EIF5A2: variants seen among roughly 807,000 people sequenced by gnomAD.
EIF5A2 encodes eukaryotic translation initiation factor 5A-2.
Under a neutral mutation model 16.4 loss-of-function variants are expected in EIF5A2, and 15 were observed. The ratio of observed to expected loss-of-function variants is 0.92; its 90% confidence interval spans 0.61 to 1.41. EIF5A2 has a LOEUF of 1.41. Ranked by LOEUF, EIF5A2 falls within the 40% of genes most tolerant of loss-of-function variation. The probability of loss-of-function intolerance (pLI) is 0.00; values close to 1 mark genes in which losing one functional copy is unlikely to be tolerated. For synonymous variants in EIF5A2, 48 were observed against 61.1 expected, an observed-to-expected ratio of 0.79 and a Z score of 1.00; for missense variants, 144 against 189.5, an observed-to-expected ratio of 0.76 and a Z score of 1.41.
At position 170,890,829 on chromosome 3, in the gene EIF5A2, T is replaced by C. The variant is rs748589224; in HGVS notation, c.*2531A>G. On this transcript the variant is annotated 3_prime_UTR_variant, in exon 5 of 5. Transcript: ENST00000295822. ...TCTAAAAAGAATGAAGTCACTTCTG[T>C]TCTATGTTAAAAAATACATGTTCCC... is the stretch of plus-strand genomic sequence containing the variant. The C allele has an allele frequency of 1.3e-5, 2 of 152,580 alleles. No homozygotes were observed. Among genetic ancestry groups the C allele is most frequent in the Admixed American group, 6.5e-5 (1 of 15,276 alleles). 9.5% of individuals were successfully genotyped at this position (152,580 alleles called of 1,614,324 possible).
chr3:170,899,886 C>A (rs567368321), intron 3 of EIF5A2, among the ~76,000 whole-genome samples: 94 of 151,952 alleles, frequency 6.2e-4, no homozygotes, highest in African/African-American at 2.2e-3. Context: ...TGGTCCTTTA[C>A]CTTTAAACAA....
intron 4 of EIF5A2, among the ~76,000 whole-genome samples, chr3:170,893,860 C>G (rs1156379801): frequency 6.6e-6 from 1 of 152,094 alleles, no homozygotes; most frequent in East Asian, 1.9e-4. Context: ...TGCTGAAACC[C>G]AATCTTTACT....
At chr3:170,901,941 G>A (rs897529013) in intron 3 of EIF5A2, among the ~76,000 whole-genome samples, 9 of 152,088 alleles carry the variant, frequency 5.9e-5, no homozygotes, top group Admixed American at 5.9e-4. Context: ...CTGAGAGACT[G>A]AATGCTTTAT....
At chr3:170,907,341 T>C (rs1712963343) in intron 2 of EIF5A2, among the ~76,000 whole-genome samples, 1 of 151,950 alleles carries the variant, frequency 6.6e-6, no homozygotes, top group South Asian at 2.1e-4. Flanking sequence ...ACAAGAAAAA[T>C]AAAGTGTAGA....
At chr3:170,905,380 T>C (rs1712912008) in intron 3 of EIF5A2, among the ~76,000 whole-genome samples, 1 of 152,204 alleles carries the variant, frequency 6.6e-6, no homozygotes, top group Non-Finnish European at 1.5e-5. Flanking sequence ...TGGCTAACCT[T>C]ATCATAGTAT....
chr3:170,901,018 A>G lies in EIF5A2; in HGVS notation c.270+5971T>C, dbSNP rs572978793. Among the ~76,000 whole-genome samples the G allele has an allele frequency of 3.0e-4, 45 of 152,368 alleles. 1 individual carries two copies. The South Asian group carries it at 9.1e-3, about 31-fold the overall frequency. On this transcript the variant is annotated intron_variant, in intron 3 of 4. Transcript: ENST00000295822. ...ATTATGGAGTAGTCCTGCTAAAGGAAAGAAAGGAAGAAAATAAAAATCTGA... is the reference window on the plus strand; with the variant it reads ...ATTATGGAGTAGTCCTGCTAAAGGAGAGAAAGGAAGAAAATAAAAATCTGA...
chr3:170,893,098 C>CTTGT lies in EIF5A2; in HGVS notation c.*258_*261dup. 1 of 446,578 alleles carries CTTGT rather than the reference C, an allele frequency of 2.2e-6. No individual in the cohort carries two copies. The highest frequency in any genetic ancestry group is 3.4e-5 in the East Asian group (1 of 29,432). 27.7% of individuals were successfully genotyped at this position (446,578 alleles called of 1,614,324 possible). On this transcript the variant is annotated 3_prime_UTR_variant, in exon 5 of 5. Transcript: ENST00000295822. ...GACAAATCACATCTGCTGAAGCTAT[C>CTTGT]TTGTTTGTTTCTTGGACTGACATAC... is the stretch of plus-strand genomic sequence containing the variant.
chr3:170,900,169 G>A (rs901891578), intron 3 of EIF5A2, among the ~76,000 whole-genome samples: 2 of 151,742 alleles, frequency 1.3e-5, no homozygotes, highest in African/African-American at 2.4e-5. Context: ...TCAGGAGTCC[G>A]AGACCAACCT....
Position 170,907,733 on chromosome 3 carries a change from A to G in EIF5A2, c.74T>C (p.Leu25Ser). 5 of 1,610,064 alleles carry G rather than the reference A, an allele frequency of 3.1e-6. No individual in the cohort carries two copies. Among genetic ancestry groups the G allele is most frequent in the Non-Finnish European group, 4.2e-6 (5 of 1,176,866 alleles). The change falls in exon 2 of 5, where the codon TTG becomes TCG. Residue 25 changes from leucine to serine, a missense_variant. Transcript: ENST00000295822. ...GAGCACCACGAAGCCGTTTTTGCGC[A>G]AGGCCGAGCACTGCATAGGGTAAGT... ...SSTYPMQCSA[L>S]RKNGFVVLKG...
intron 3 of EIF5A2, among the ~76,000 whole-genome samples, chr3:170,899,983 A>G (rs925602079): frequency 1.3e-5 from 2 of 151,676 alleles, no homozygotes; most frequent in African/African-American, 4.8e-5. Context: ...GCAGGGAGAC[A>G]GCAGAGGTGA....
At chr3:170,905,483 A>C (rs1371734840) in intron 3 of EIF5A2, among the ~76,000 whole-genome samples, 2 of 152,238 alleles carry the variant, frequency 1.3e-5, no homozygotes, top group Non-Finnish European at 2.9e-5. Flanking sequence ...GAATATAATT[A>C]ATATTGAATA....
In EIF5A2 at chr3:170,890,296, T is replaced by C. The variant is rs989249362; in HGVS notation, c.*3064A>G. The C allele has an allele frequency of 3.3e-5, 5 of 152,132 alleles. No homozygotes were observed. Among genetic ancestry groups the C allele is most frequent in the East Asian group, 1.9e-4 (1 of 5,200 alleles). The allele number at this position is 152,132 out of a possible 1,614,324, so 9.4% of individuals were successfully genotyped here. A position where few individuals can be genotyped will look rare whatever the true frequency, so the allele number is the denominator to read the frequency against. On this transcript the variant is annotated 3_prime_UTR_variant, in exon 5 of 5. Transcript: ENST00000295822. Reference sequence around the variant, plus strand: ...CGCACATGTGCACATGCAAATTGCATTGTAATGAAAAATTGTGTCTCCAAA... The same window carrying C: ...CGCACATGTGCACATGCAAATTGCACTGTAATGAAAAATTGTGTCTCCAAA...
rs189321983 is a variant in EIF5A2, at chr3:170,890,104, A to T, written c.*3256T>A. ...CCTGAGAACAATGCATTCAAATTAC[A>T]GCTCAACTAGAAATATTCTAATTGA... On this transcript the variant is annotated 3_prime_UTR_variant, in exon 5 of 5. Coordinates refer to ENST00000295822, the MANE Select transcript of EIF5A2 (RefSeq NM_020390.6). 6.6e-6 allele frequency: 1 copy of T among 152,610 alleles called. No individual in the cohort carries two copies. The highest frequency in any genetic ancestry group is 1.9e-4 in the East Asian group (1 of 5,192). 9.5% of individuals were successfully genotyped at this position (152,610 alleles called of 1,614,324 possible).
intron 3 of EIF5A2, among the ~76,000 whole-genome samples, chr3:170,897,580 G>T (rs1466202357): frequency 6.6e-6 from 1 of 152,212 alleles, no homozygotes; most frequent in South Asian, 2.1e-4. Flanking sequence ...TCCATGTGGT[G>T]TTGGGCCTGC....
At chr3:170,907,303 T>C (rs897072082) in intron 2 of EIF5A2, among the ~76,000 whole-genome samples, 2 of 152,206 alleles carry the variant, frequency 1.3e-5, no homozygotes, top group Admixed American at 1.3e-4. Context: ...AGACCCAATA[T>C]AGACCAGTGA....
At chr3:170,902,428 C>T (rs1003516667) in intron 3 of EIF5A2, among the ~76,000 whole-genome samples, 24 of 128,342 alleles carry the variant, frequency 1.9e-4, no homozygotes, top group Non-Finnish European at 1.6e-4. Flanking sequence ...TTTTTGAGAC[C>T]GAGTCTTGCT....
In EIF5A2 at chr3:170,892,591, C is replaced by A. The variant is rs530411894; in HGVS notation, c.*769G>T. Reference sequence around the variant, plus strand: ...GTTAAAAGCAAAAACAACTGAGAAACAACTTTTCATTTTTATGCTGACTTA... The same window carrying A: ...GTTAAAAGCAAAAACAACTGAGAAAAAACTTTTCATTTTTATGCTGACTTA... On this transcript the variant is annotated 3_prime_UTR_variant, in exon 5 of 5. Transcript: ENST00000295822. 223 of 395,642 alleles carry A rather than the reference C, an allele frequency of 5.6e-4. 1 individual carries two copies. In the South Asian group the frequency reaches 7.6e-3, roughly 13 times the overall value. The allele number at this position is 395,642 out of a possible 1,614,324, so 24.5% of individuals were successfully genotyped here.
At chr3:170,897,803 G>T (rs1207601236) in intron 3 of EIF5A2, among the ~76,000 whole-genome samples, 1 of 152,134 alleles carries the variant, frequency 6.6e-6, no homozygotes, top group Non-Finnish European at 1.5e-5. Context: ...TGAGAAGGGG[G>T]GTCACCATCT....
At position 170,891,820 on chromosome 3, in the gene EIF5A2, C is replaced by A. The variant is rs1041206356; in HGVS notation, c.*1540G>T. The A allele has an allele frequency of 6.6e-6, 1 of 152,430 alleles. No individual in the cohort carries two copies. Among genetic ancestry groups the A allele is most frequent in the Admixed American group, 6.6e-5 (1 of 15,262 alleles). 9.4% of individuals were successfully genotyped at this position (152,430 alleles called of 1,614,324 possible). A position where few individuals can be genotyped will look rare whatever the true frequency, so the allele number is the denominator to read the frequency against. On this transcript the variant is annotated 3_prime_UTR_variant, in exon 5 of 5. Coordinates refer to ENST00000295822, the MANE Select transcript of EIF5A2 (RefSeq NM_020390.6). ...TTCTGGAAATAATATACATATGACT[C>A]AAAAGATGAAATAGAAATGCAGTGG...
Sources: gnomAD v4.1 joint callset for allele counts (sites outside exome capture counted in the v4.1 genomes callset) on GRCh38, gnomAD v4.1.1 for gene constraint, MANE v1.5 for transcripts, NCBI Gene and HGNC (gene_info 2026-07-23, HGNC 2026-07-21) for gene names.